The following APPL2 variants were observed in gnomAD, a reference collection of about 807,000 sequenced individuals.
APPL2 encodes the protein adaptor protein, phosphotyrosine interacting with PH domain and leucine zipper 2, also known as DCC-interacting protein 13-beta.
In APPL2, 84 loss-of-function variants were observed where a neutral mutation model predicts 92.7. The observed-to-expected ratio is 0.91, with a 90% CI of 0.76 to 1.09. The LOEUF (loss-of-function observed/expected upper bound fraction) is 1.09, where lower values mean the gene tolerates loss of function less well. Ranked by LOEUF, APPL2 falls within the 50% of genes least tolerant of loss-of-function variation. The probability of loss-of-function intolerance (pLI) is 0.00; values close to 1 mark genes in which losing one functional copy is unlikely to be tolerated. For synonymous variants in APPL2, 291 were observed against 291.0 expected (o/e 1.00, Z 0.00); for missense variants, 736 against 824.5 (o/e 0.89, Z 1.31).
intron 11 of APPL2, 65 bp from the exon 12 acceptor site, chr12:105,195,692 A>G: frequency 6.3e-7 from 1 of 1,579,502 alleles, no homozygotes; most frequent in Non-Finnish European, 8.7e-7. Flanking sequence ...ATTTCTCTAC[A>G]TAAACTGAAC....
intron 5 of APPL2, among the ~76,000 whole-genome samples, chr12:105,209,148 ATAT>A (rs1387844300): frequency 6.6e-6 from 1 of 151,982 alleles, no homozygotes; most frequent in Non-Finnish European, 1.5e-5. Flanking sequence ...AGTTTCCTTA[ATAT>A]CTCTTGCGTT....
rs373002357 is a variant in APPL2, at chr12:105,175,229, T to C, written c.1861-781A>G. Among the ~76,000 whole-genome samples the C allele has an allele frequency of 4.1e-4, 62 of 152,256 alleles. 2 individuals are homozygous for C. The highest frequency in any genetic ancestry group is 3.4e-3 in the Middle Eastern group (1 of 294). On this transcript the variant is annotated intron_variant, in intron 20 of 20. Coordinates refer to ENST00000258530, the MANE Select transcript of APPL2 (RefSeq NM_018171.5). ...AGAGTTGAATCTGTTGCAAGGGAGA[T>C]AGCCAAAAACATAAAGACCCTTTAT... is the stretch of plus-strand genomic sequence containing the variant.
intron 17 of APPL2, among the ~76,000 whole-genome samples, chr12:105,178,582 C>G (rs979736804): frequency 6.6e-6 from 1 of 152,170 alleles, no homozygotes; most frequent in Non-Finnish European, 1.5e-5. Flanking sequence ...GTTGGAAATA[C>G]GTGCAGTTAC....
chr12:105,207,478 A>G (rs1592804835), intron 7 of APPL2, among the ~76,000 whole-genome samples: 1 of 152,250 alleles, frequency 6.6e-6, no homozygotes, highest in East Asian at 1.9e-4. Context: ...GGATAACAAT[A>G]TGGCAGCATG....
chr12:105,208,293 C>G lies in APPL2; in HGVS notation c.374-94G>C. The G allele has an allele frequency of 4.1e-6, 6 of 1,477,636 alleles. No homozygotes were observed. The South Asian group carries it at 6.9e-5, about 17-fold the overall frequency. 91.5% of individuals were successfully genotyped at this position (1,477,636 alleles called of 1,614,324 possible). On this transcript the variant is annotated intron_variant, in intron 5 of 20. Coordinates refer to ENST00000258530, the MANE Select transcript of APPL2 (RefSeq NM_018171.5). ...TTTCCCCTGAAAATAAGAGAATATG[C>G]GTGCAAGGGAAGCCCCTGCACCCTC...
chr12:105,229,051 A>G (rs973443017), intron 2 of APPL2, 74 bp downstream of exon 2: 33 of 1,280,038 alleles, frequency 2.6e-5, no homozygotes, highest in African/African-American at 1.1e-4. Context: ...CAATTTCTCA[A>G]CCTCTGAGGG....
At position 105,190,162 on chromosome 12, in the gene APPL2, G is replaced by A. The variant is rs1460103006; in HGVS notation, c.1242-7C>T. 1.2e-6 allele frequency: 2 copies of A among 1,610,734 alleles called. No individual in the cohort carries two copies. The highest frequency in any genetic ancestry group is 3.4e-5 in the Admixed American group (2 of 59,240). ...TGAATTTTTCAGGTTCTGGCTGAAG[G>A]GGAAAAAAATCAATTCCCTTAACCT... On this transcript the variant is annotated splice_polypyrimidine_tract_variant and splice_region_variant and intron_variant, in intron 14 of 20. Coordinates refer to ENST00000258530, the MANE Select transcript of APPL2 (RefSeq NM_018171.5).
At position 105,189,769 on chromosome 12, in the gene APPL2, T is replaced by TA; in HGVS notation, c.1459+2dup. Reference sequence around the variant, plus strand: ...GAATAAGGACACCAAACTAGTCACTTACCTTCTGCTTCTGGAAATGATTCA... The same window carrying TA: ...GAATAAGGACACCAAACTAGTCACTTAACCTTCTGCTTCTGGAAATGATTCA... On this transcript the variant is annotated splice_region_variant and intron_variant, in intron 16 of 20. Transcript: ENST00000258530. The TA allele has an allele frequency of 1.2e-6, 2 of 1,614,186 alleles. No homozygotes were observed. The highest frequency in any genetic ancestry group is 1.7e-6 in the Non-Finnish European group (2 of 1,179,982).
chr12:105,188,414 A>G lies in APPL2; in HGVS notation c.1493T>C (p.Phe498Ser). 6.2e-7 allele frequency: 1 copy of G among 1,614,142 alleles called. No homozygotes were observed. ...TGTTTTAACTGCCATTGATCCCAAA[A>G]ACCGAACTATAAACATCTGCTGCAA... ...SLLQQMFIVR[F>S]LGSMAVKTDS... Residue 498 changes from phenylalanine (F) to serine (S), a missense_variant, in exon 17 of 21, where the codon TTT becomes TCT. Phe to Ser is a radical substitution (Grantham distance 155). Transcript: ENST00000258530.
chr12:105,203,382 C>G (rs1247873009), intron 9 of APPL2: 1 of 301,722 alleles, frequency 3.3e-6, no homozygotes, highest in East Asian at 6.2e-5. Flanking sequence ...GACAGCACTT[C>G]CATCTGCTAC....
intron 8 of APPL2, among the ~76,000 whole-genome samples, chr12:105,206,247 A>G (rs989155877): frequency 4.6e-5 from 7 of 152,212 alleles, no homozygotes; most frequent in African/African-American, 1.4e-4. Context: ...AGATGTTCAT[A>G]TATCAGGTAT....
intron 2 of APPL2, among the ~76,000 whole-genome samples, chr12:105,221,516 C>A (rs554435933): frequency 6.6e-6 from 1 of 152,316 alleles, no homozygotes; most frequent in Admixed American, 6.5e-5. Context: ...CTATTCCAAT[C>A]TAAAGTCCAA....
chr12:105,190,644 C>A (rs540822265), intron 14 of APPL2, among the ~76,000 whole-genome samples: 1 of 152,304 alleles, frequency 6.6e-6, no homozygotes, highest in South Asian at 2.1e-4. Context: ...CCATCTTTAT[C>A]CCAATTCTGC....
At chr12:105,174,632 G>C (rs776249226) in intron 20 of APPL2, among the ~76,000 whole-genome samples, 184 bp from the exon 21 acceptor site, 1 of 152,148 alleles carries the variant, frequency 6.6e-6, no homozygotes, top group Non-Finnish European at 1.5e-5. Flanking sequence ...AATCTAGACT[G>C]TTTTCCTCTG....
intron 14 of APPL2, among the ~76,000 whole-genome samples, chr12:105,191,438 T>C (rs1887183687): frequency 1.3e-5 from 2 of 152,152 alleles, no homozygotes; most frequent in South Asian, 4.1e-4. Context: ...TGTGATATAA[T>C]AAGTGGTAAG....
intron 5 of APPL2, 108 bp from the exon 6 acceptor site, chr12:105,208,307 C>T (rs1000421560): frequency 8.1e-5 from 108 of 1,331,282 alleles, no homozygotes; most frequent in Non-Finnish European, 1.0e-4. Flanking sequence ...CAAGGGAAGC[C>T]CCTGCACCCT....
At chr12:105,185,435 C>T (rs780186695) in intron 17 of APPL2, among the ~76,000 whole-genome samples, 5 of 152,154 alleles carry the variant, frequency 3.3e-5, no homozygotes, top group Admixed American at 1.3e-4. Flanking sequence ...AAGACAGTGG[C>T]AAAAGCCTAG....
intron 14 of APPL2, among the ~76,000 whole-genome samples, chr12:105,191,112 T>A (rs896856696): frequency 6.6e-6 from 1 of 152,236 alleles, no homozygotes; most frequent in African/African-American, 2.4e-5. Flanking sequence ...TGTATCAAAC[T>A]ACTTTACAAC....
At chr12:105,225,566 A>C (rs905869898) in intron 2 of APPL2, among the ~76,000 whole-genome samples, 8 of 152,240 alleles carry the variant, frequency 5.3e-5, no homozygotes, top group Admixed American at 1.3e-4. Context: ...GAAGTTTTTA[A>C]CTTATTTAGC....
Sources: gnomAD v4.1 joint callset for allele counts (sites outside exome capture counted in the v4.1 genomes callset) on GRCh38, gnomAD v4.1.1 for gene constraint, MANE v1.5 for transcripts, NCBI Gene and HGNC (gene_info 2026-07-23, HGNC 2026-07-21) for gene names.